Variants in LIPE observed in about 807,000 individuals in gnomAD.
The protein encoded by LIPE is lipase E, hormone sensitive type.
In LIPE, 66 loss-of-function variants were observed where a neutral mutation model predicts 88.5. The ratio of observed to expected loss-of-function variants is 0.75; its 90% CI spans 0.61 to 0.91. The LOEUF (loss-of-function observed/expected upper bound fraction) is 0.91. LIPE is among the 40% of genes least tolerant of loss of function. The pLI is 0.00. For missense variants in LIPE, 1,346 were observed against 1,434.7 expected, an observed-to-expected ratio of 0.94 and a Z score of 1.00; for synonymous variants, 570 against 617.5, an observed-to-expected ratio of 0.92 and a Z score of 1.14.
intron 1 of LIPE, chr19:42,424,117 C>G: frequency 8.4e-7 from 1 of 1,192,636 alleles, no homozygotes; most frequent in Non-Finnish European, 1.1e-6. Context: ...CTTTCCCTCT[C>G]CTGTCTCCTA....
Position 42,403,045 on chromosome 19 carries a change from A to G in LIPE, c.2543-14T>C. ...GGCGCATCGGCTCTGAGAGAGGGAGAGCAGATAGGCCTGGCTCCGTTAGTT... is the reference window on the plus strand; with the variant it reads ...GGCGCATCGGCTCTGAGAGAGGGAGGGCAGATAGGCCTGGCTCCGTTAGTT... On this transcript the variant is annotated splice_polypyrimidine_tract_variant and intron_variant, in intron 8 of 9. Transcript: ENST00000244289. The G allele has an allele frequency of 2.6e-6, 4 of 1,530,358 alleles. No individual in the cohort carries two copies. The highest frequency in any genetic ancestry group is 3.5e-6 in the Non-Finnish European group (4 of 1,140,742). 94.8% of individuals were successfully genotyped at this position (1,530,358 alleles called of 1,614,324 possible).
intron 1 of LIPE, among the ~76,000 whole-genome samples, chr19:42,417,846 T>A (rs188048119): frequency 1.3e-5 from 2 of 151,714 alleles, no homozygotes; most frequent in Admixed American, 6.6e-5. Flanking sequence ...AGTGAGACCC[T>A]CCCCCTCTAC....
At chr19:42,409,483 G>A (rs537281124) in intron 2 of LIPE, among the ~76,000 whole-genome samples, 23 of 151,974 alleles carry the variant, frequency 1.5e-4, no homozygotes, top group African/African-American at 4.3e-4. Context: ...AGGGATTGGC[G>A]GGTTCTTCTG....
At chr19:42,415,965 G>A (rs1023857410) in intron 1 of LIPE, among the ~76,000 whole-genome samples, 8 of 152,186 alleles carry the variant, frequency 5.3e-5, no homozygotes, top group Non-Finnish European at 8.8e-5. Context: ...TGAGAGAGGT[G>A]AGGAAGCTGC....
At position 42,410,650 on chromosome 19, in the gene LIPE, G is replaced by A. The variant is rs1244043532; in HGVS notation, c.1076C>T (p.Ala359Val). 8.1e-6 allele frequency: 13 copies of A among 1,612,576 alleles called. No individual in the cohort carries two copies. Among genetic ancestry groups the A allele is most frequent in the African/African-American group, 1.3e-5 (1 of 75,014 alleles). ...EPALGRLLGVAHLFDLDPETP... is the reference protein window; with the variant it reads ...EPALGRLLGVVHLFDLDPETP... ...CTCTGGGTCCAGGTCAAAGAGGTGC[G>A]CCACACCCAGCAGGCGGCCCAGGGC... Residue 359 changes from alanine to valine, a missense_variant, in exon 2 of 10, where the codon GCG becomes GTG. Ala to Val is a moderately conservative substitution (Grantham distance 64). Transcript: ENST00000244289. The surrounding 1 kb of genome is among the most constrained non-coding windows in gnomAD (Gnocchi z 6.1).
At chr19:42,412,383 G>A (rs2040400535) in intron 1 of LIPE, 8 of 985,756 alleles carry the variant, frequency 8.1e-6, no homozygotes, top group South Asian at 9.4e-5. Context: ...GGCATCTTCC[G>A]AGCTTCCCTG....
chr19:42,420,644 C>T (rs983775819), intron 1 of LIPE, among the ~76,000 whole-genome samples: 1 of 152,028 alleles, frequency 6.6e-6, no homozygotes, highest in African/African-American at 2.4e-5. Flanking sequence ...CTAAAGGCCT[C>T]TGGAACCTGG....
chr19:42,421,722 C>T (rs752141221), intron 1 of LIPE, among the ~76,000 whole-genome samples: 1 of 152,216 alleles, frequency 6.6e-6, no homozygotes, highest in Non-Finnish European at 1.5e-5. Flanking sequence ...GCCCCAGTGT[C>T]GTCATCTGGG....
chr19:42,402,186 G>A (rs1323397928), intron 9 of LIPE, 111 bp from the exon 10 acceptor site: 1 of 1,027,402 alleles, frequency 9.7e-7, no homozygotes, highest in African/African-American at 1.7e-5. Flanking sequence ...TACGGATACA[G>A]ACGGAGTGGA....
chr19:42,402,007 C>A lies in LIPE; in HGVS notation c.3036G>T (p.Gln1012His). Residue 1012 changes from glutamine (Q) to histidine (H), a missense_variant, in exon 10 of 10, where the codon CAG (glutamine) becomes CAT (histidine). Coordinates refer to ENST00000244289, the MANE Select transcript of LIPE (RefSeq NM_005357.4). ...MLARRLRNLG[Q>H]PVTLRVVEDL... ...CCTCCACCACGCGCAGCGTCACCGG[C>A]TGGCCCAGGTTGCGCAGTCGCCGCG... 6.5e-7 allele frequency: 1 copy of A among 1,549,350 alleles called. No homozygotes were observed. The highest frequency in any genetic ancestry group is 1.4e-5 in the African/African-American group (1 of 72,664).
At chr19:42,425,697 C>G (rs765383318) in intron 1 of LIPE, among the ~76,000 whole-genome samples, 9 of 152,124 alleles carry the variant, frequency 5.9e-5, no homozygotes, top group Non-Finnish European at 1.0e-4. Context: ...GTAGTCCCAC[C>G]TACTCCGGAG....
intron 1 of LIPE, chr19:42,411,272 C>T: frequency 1.0e-6 from 1 of 981,956 alleles, no homozygotes; most frequent in Non-Finnish European, 1.2e-6. Flanking sequence ...TTCACCTCTC[C>T]TGTGATCCAG....
Position 42,401,680 on chromosome 19 carries a change from G to A in LIPE, c.*132C>T. On this transcript the variant is annotated 3_prime_UTR_variant, in exon 10 of 10. Transcript: ENST00000244289. ...TGCGCGTCCCCCTCCCCGTGGCGAG[G>A]GTCTCAGCTTTCGGGCCCCCGCCCC... is the stretch of plus-strand genomic sequence containing the variant. 1 of 549,928 alleles carries A rather than the reference G, an allele frequency of 1.8e-6. No individual in the cohort carries two copies. Among genetic ancestry groups the A allele is most frequent in the South Asian group, 2.3e-5 (1 of 43,322 alleles). The allele number at this position is 549,928 out of a possible 1,614,324, so 34.1% of individuals were successfully genotyped here. A position where few individuals can be genotyped will look rare whatever the true frequency, so the allele number is the denominator to read the frequency against.
intron 1 of LIPE, among the ~76,000 whole-genome samples, chr19:42,420,181 C>T (rs999184469): frequency 3.9e-5 from 6 of 152,184 alleles, no homozygotes; most frequent in East Asian, 1.9e-4. Context: ...CGGGGTCACA[C>T]GGCCAGCAGG....
rs1276875331 is a variant in LIPE at position 42,405,455 on chromosome 19, G to T, written c.2472C>A (p.Ala824=). The stretch of plus-strand genomic sequence containing the variant: ...CCAGGAAGGAGTTGAGCCATGAGGA[G>T]GCACCCAGGCGGAAGTCTCGGAGGA... ...ALLLRDFRLG[A]SSWLNSFLEL... is the part of the protein sequence containing the mutation. The change falls in exon 8 of 10, where the codon GCC becomes GCA. Residue 824 remains alanine (A), a synonymous_variant. Coordinates refer to ENST00000244289, the MANE Select transcript of LIPE (RefSeq NM_005357.4). 6.2e-7 allele frequency: 1 copy of T among 1,613,994 alleles called. No individual in the cohort carries two copies. Among genetic ancestry groups the T allele is most frequent in the African/African-American group, 1.3e-5 (1 of 74,934 alleles).
Position 42,410,666 on chromosome 19 carries a change from G to A in LIPE, c.1060C>T (p.Arg354Cys), listed in dbSNP as rs200986163. 5.1e-5 allele frequency: 83 copies of A among 1,612,028 alleles called. No homozygotes were observed. Among genetic ancestry groups the A allele is most frequent in the Non-Finnish European group, 7.0e-5 (82 of 1,178,686 alleles). Residue 354 changes from arginine (R) to cysteine (C), a missense_variant, in exon 2 of 10, where the codon CGC becomes TGC. Coordinates refer to ENST00000244289, the MANE Select transcript of LIPE (RefSeq NM_005357.4). The surrounding 1 kb of genome is among the most constrained non-coding windows in gnomAD (Gnocchi z 6.1). ...AAGAGGTGCGCCACACCCAGCAGGC[G>A]GCCCAGGGCCGGCTCCAGCCCCAGC... ...QALGLEPALG[R>C]LLGVAHLFDL...
Position 42,426,721 on chromosome 19 carries a change from T to A in LIPE, c.429A>T (p.Pro143=). 6.2e-7 allele frequency: 1 copy of A among 1,614,216 alleles called. No individual in the cohort carries two copies. ...QRHVAQPGPG[P]GEPPPAQQEA... ...CTTGTTGAGCTGGAGGTGGCTCTCCTGGCCCAGGCCCTGGCTGGGCTACAT... is the reference window on the plus strand; with the variant it reads ...CTTGTTGAGCTGGAGGTGGCTCTCCAGGCCCAGGCCCTGGCTGGGCTACAT... Residue 143 remains proline, a synonymous_variant, in exon 1 of 10, where the codon CCA becomes CCT. Coordinates refer to ENST00000244289, the MANE Select transcript of LIPE (RefSeq NM_005357.4).
Position 42,408,033 on chromosome 19 carries a change from G to T in LIPE, c.1599C>A (p.Asn533Lys), listed in dbSNP as rs2040244938. ...RGAEFERITQ[N>K]LDVHFWKAFW... ...AGGCTTTCCAGAAGTGCACGTCCAG[G>T]TTCTGTGTGATCCGCTCAAACTCAG... The change falls in exon 4 of 10, where the codon AAC (asparagine) becomes AAA (lysine). Residue 533 changes from asparagine to lysine, a missense_variant. By Grantham distance (94) the Asn-to-Lys change is moderately conservative. Coordinates refer to ENST00000244289, the MANE Select transcript of LIPE (RefSeq NM_005357.4). This position sits in a 1 kb window ranked among gnomAD's most constrained non-coding sequence, Gnocchi z 4.3. The T allele has an allele frequency of 6.2e-7, 1 of 1,613,884 alleles. No individual in the cohort carries two copies. Among genetic ancestry groups the T allele is most frequent in the East Asian group, 2.2e-5 (1 of 44,880 alleles).
At chr19:42,426,100 C>CA (rs2040701569) in intron 1 of LIPE, among the ~76,000 whole-genome samples, 167 bp downstream of exon 1, 1 of 133,760 alleles carries the variant, frequency 7.5e-6, no homozygotes, top group African/African-American at 3.3e-5. Context: ...CTGCGCCCAG[C>CA]CTTTTTTTTT....
Sources: gnomAD v4.1 joint callset for allele counts (sites outside exome capture counted in the v4.1 genomes callset) on GRCh38, gnomAD v4.1.1 for gene constraint, Gnocchi (gnomAD v3.1) non-coding constraint, MANE v1.5 for transcripts, NCBI Gene and HGNC (gene_info 2026-07-23, HGNC 2026-07-21) for gene names.